OLFM2: variants seen among roughly 807,000 people sequenced by gnomAD.
OLFM2 encodes noelin-2.
A neutral mutation model predicts 43.9 loss-of-function variants in OLFM2; 20 were observed. That is an observed-to-expected ratio of 0.46 (90% CI 0.32 to 0.66). The LOEUF (loss-of-function observed/expected upper bound fraction) is 0.66. OLFM2 is among the 30% of genes least tolerant of loss of function. The pLI is 0.04. For synonymous variants in OLFM2, 268 were observed against 278.6 expected, an observed-to-expected ratio of 0.96 and a Z score of 0.38; for missense variants, 416 against 643.6, an observed-to-expected ratio of 0.65 and a Z score of 3.83.
chr19:9,898,013 C>T (rs2046700949), intron 1 of OLFM2, among the ~76,000 whole-genome samples: 1 of 151,828 alleles, frequency 6.6e-6, no homozygotes, highest in Admixed American at 6.6e-5. Context: ...AGCAATCCTC[C>T]CACACCTCAG....
intron 1 of OLFM2, among the ~76,000 whole-genome samples, chr19:9,926,971 C>G (rs1257902650): frequency 6.6e-6 from 1 of 151,646 alleles, no homozygotes; most frequent in Non-Finnish European, 1.5e-5. Context: ...GGCAACAGAG[C>G]AAGACTCTAT....
chr19:9,899,700 C>T (rs902319741), intron 1 of OLFM2, among the ~76,000 whole-genome samples: 4 of 151,874 alleles, frequency 2.6e-5, no homozygotes, highest in South Asian at 2.1e-4. Context: ...TACAGGTGCA[C>T]GCCACCATGC....
chr19:9,912,480 T>C (rs2046834968), intron 1 of OLFM2, among the ~76,000 whole-genome samples: 1 of 151,640 alleles, frequency 6.6e-6, no homozygotes, highest in Non-Finnish European at 1.5e-5. Flanking sequence ...TGGGGGATGA[T>C]TTGGGAGGAG....
chr19:9,895,333 A>C (rs1461487431), intron 1 of OLFM2, among the ~76,000 whole-genome samples: 1 of 151,866 alleles, frequency 6.6e-6, no homozygotes, highest in African/African-American at 2.4e-5. Flanking sequence ...ACCAAAAAAA[A>C]AATTTTTTTT....
Position 9,856,745 on chromosome 19 carries a change from T to C in OLFM2, c.687+62A>G. On this transcript the variant is annotated intron_variant, in intron 5 of 5. Transcript: ENST00000264833. The surrounding 1 kb of genome is among the most constrained non-coding windows in gnomAD (Gnocchi z 4.0). ...CCAGTGTGGACTCCCTAGGCACCTA[T>C]GGGCAGTCAAAGGCTCTGTCCCTCC... 1.5e-6 allele frequency: 2 copies of C among 1,351,432 alleles called. No homozygotes were observed. 83.7% of individuals were successfully genotyped at this position (1,351,432 alleles called of 1,614,324 possible).
At chr19:9,923,993 G>A (rs964914597) in intron 1 of OLFM2, among the ~76,000 whole-genome samples, 4 of 151,136 alleles carry the variant, frequency 2.6e-5, no homozygotes, top group East Asian at 2.0e-4. Flanking sequence ...CCAGCTACTC[G>A]GGAGGCTGAG....
At chr19:9,884,373 C>T (rs1476425565) in intron 1 of OLFM2, among the ~76,000 whole-genome samples, 7 of 151,420 alleles carry the variant, frequency 4.6e-5, no homozygotes, top group Middle Eastern at 3.4e-3. Context: ...GTCAGGAGTT[C>T]GAAACCAGCC....
intron 1 of OLFM2, among the ~76,000 whole-genome samples, chr19:9,894,771 C>A (rs768331312): frequency 6.6e-6 from 1 of 152,080 alleles, no homozygotes; most frequent in African/African-American, 2.4e-5. Flanking sequence ...CGGTTGAGAA[C>A]CACAGCTCTA....
chr19:9,857,519 C>T lies in OLFM2; in HGVS notation c.361-37G>A, dbSNP rs1444683428. 6 of 1,606,558 alleles carry T rather than the reference C, an allele frequency of 3.7e-6. No homozygotes were observed. The highest frequency in any genetic ancestry group is 5.1e-6 in the Non-Finnish European group (6 of 1,176,540). ...GATGGAACCATGGCCAAGCCTGACC[C>T]CTGGCCTTTGACCCAGACATGACTC... On this transcript the variant is annotated intron_variant, in intron 3 of 5. Transcript: ENST00000264833. The surrounding 1 kb of genome is among the most constrained non-coding windows in gnomAD (Gnocchi z 5.7).
intron 1 of OLFM2, among the ~76,000 whole-genome samples, chr19:9,865,949 G>C (rs1459471961): frequency 6.6e-6 from 1 of 151,962 alleles, no homozygotes; most frequent in Non-Finnish European, 1.5e-5. Context: ...CAGAGACAAA[G>C]CCGCCGGTTC....
intron 1 of OLFM2, among the ~76,000 whole-genome samples, chr19:9,907,639 G>T (rs1031301282): frequency 9.9e-5 from 15 of 152,106 alleles, no homozygotes; most frequent in Non-Finnish European, 1.8e-4. Flanking sequence ...TGGTGAGATG[G>T]AGATAGAATC....
chr19:9,857,375 G>A lies in OLFM2; in HGVS notation c.468C>T (p.Leu156=), dbSNP rs143561114. The A allele has an allele frequency of 6.2e-7, 1 of 1,614,190 alleles. No homozygotes were observed. The highest frequency in any genetic ancestry group is 2.2e-5 in the East Asian group (1 of 44,874). Residue 156 remains leucine, a synonymous_variant, in exon 4 of 6, where the codon CTC becomes CTT. Coordinates refer to ENST00000264833, the MANE Select transcript of OLFM2 (RefSeq NM_058164.4). This position sits in a 1 kb window ranked among gnomAD's most constrained non-coding sequence, Gnocchi z 5.7. ...IVRLREEVRN[L]SGSLAAIQEE... Reference sequence around the variant, plus strand: ...CCTGAATGGCCGCCAGACTGCCGGAGAGATTCCTCACCTCCTCCCGCAAGC... The same window carrying A: ...CCTGAATGGCCGCCAGACTGCCGGAAAGATTCCTCACCTCCTCCCGCAAGC...
chr19:9,874,093 C>A (rs1202728614), intron 1 of OLFM2, among the ~76,000 whole-genome samples: 2 of 152,116 alleles, frequency 1.3e-5, no homozygotes, highest in Non-Finnish European at 2.9e-5. Flanking sequence ...ACTAAGAAAT[C>A]AACATCCGTG....
chr19:9,854,915 G>C lies in OLFM2; in HGVS notation c.688-52C>G. Reference sequence around the variant, plus strand: ...GGGGAACCACCACCAACGACCCAAGGGTCCCAGCACCAGCTACAGCCATTA... The same window carrying C: ...GGGGAACCACCACCAACGACCCAAGCGTCCCAGCACCAGCTACAGCCATTA... On this transcript the variant is annotated intron_variant, in intron 5 of 5. Coordinates refer to ENST00000264833, the MANE Select transcript of OLFM2 (RefSeq NM_058164.4). The surrounding 1 kb of genome is among the most constrained non-coding windows in gnomAD (Gnocchi z 9.5). The C allele has an allele frequency of 2.1e-6, 3 of 1,406,560 alleles. No homozygotes were observed. Among genetic ancestry groups the C allele is most frequent in the South Asian group, 2.8e-5 (2 of 72,110 alleles). The allele number at this position is 1,406,560 out of a possible 1,614,324, so 87.1% of individuals were successfully genotyped here.
chr19:9,905,565 C>T (rs1220537402), intron 1 of OLFM2, among the ~76,000 whole-genome samples: 1 of 149,358 alleles, frequency 6.7e-6, no homozygotes, highest in African/African-American at 2.5e-5. Context: ...CACTGGAACC[C>T]GGGAGGTGGA....
chr19:9,887,247 T>C (rs1464469759), intron 1 of OLFM2, among the ~76,000 whole-genome samples: 2 of 151,656 alleles, frequency 1.3e-5, no homozygotes, highest in Admixed American at 6.6e-5. Flanking sequence ...GGTGTGATCT[T>C]GGCTTACAGC....
intron 1 of OLFM2, among the ~76,000 whole-genome samples, chr19:9,912,539 G>A (rs372635396): frequency 9.2e-5 from 14 of 152,154 alleles, no homozygotes; most frequent in Admixed American, 6.5e-4. Context: ...GTTGAGGAGT[G>A]GGGGGAAAGG....
intron 1 of OLFM2, among the ~76,000 whole-genome samples, chr19:9,876,048 C>T (rs923099946): frequency 3.3e-5 from 5 of 152,164 alleles, no homozygotes; most frequent in Non-Finnish European, 5.9e-5. Flanking sequence ...TCCCCGCCAC[C>T]GAGGTCCCTA....
chr19:9,883,879 G>T (rs1303664223), intron 1 of OLFM2, among the ~76,000 whole-genome samples: 1 of 152,150 alleles, frequency 6.6e-6, no homozygotes, highest in African/African-American at 2.4e-5. Flanking sequence ...TGGTGCGCCA[G>T]TTTCCCCATC....
Sources: gnomAD v4.1 joint callset for allele counts (sites outside exome capture counted in the v4.1 genomes callset) on GRCh38, gnomAD v4.1.1 for gene constraint, Gnocchi (gnomAD v3.1) non-coding constraint, MANE v1.5 for transcripts, NCBI Gene and HGNC (gene_info 2026-07-23, HGNC 2026-07-21) for gene names.